Variants in XKR6 observed in about 807,000 individuals in gnomAD.
XKR6 encodes XK related 6.
A neutral mutation model predicts 56.7 loss-of-function variants in XKR6; 22 were observed. The observed-to-expected ratio is 0.39, with a 90% CI of 0.28 to 0.55. The LOEUF (loss-of-function observed/expected upper bound fraction) is 0.55, where lower values mean the gene tolerates loss of function less well. Ranked by LOEUF, XKR6 falls within the 20% of genes least tolerant of loss-of-function variation. The pLI, the probability that XKR6 is intolerant of heterozygous loss-of-function variation, is 0.66. For missense variants in XKR6, 852 were observed against 889.0 expected (o/e 0.96, Z 0.53); for synonymous variants, 524 against 387.8 (o/e 1.35, Z -4.13).
chr8:10,967,757 T>C (rs903632558), intron 1 of XKR6, among the ~76,000 whole-genome samples: 4 of 152,220 alleles, frequency 2.6e-5, no homozygotes, highest in African/African-American at 9.6e-5. Flanking sequence ...AGCGACGTGC[T>C]GGAGCTGGTC....
intron 1 of XKR6, among the ~76,000 whole-genome samples, chr8:11,019,852 C>T (rs1198877280): frequency 6.6e-6 from 1 of 152,196 alleles, no homozygotes; most frequent in Admixed American, 6.5e-5. Context: ...TCCGTGTAAG[C>T]TCAAACCCAG....
chr8:11,148,402 G>A (rs1801101153), intron 1 of XKR6, among the ~76,000 whole-genome samples: 1 of 152,194 alleles, frequency 6.6e-6, no homozygotes, highest in African/African-American at 2.4e-5. Context: ...AAGAAGAGGG[G>A]CCTCAGAGGA....
At chr8:11,120,706 CA>C (rs1563151541) in intron 1 of XKR6, among the ~76,000 whole-genome samples, 1 of 152,016 alleles carries the variant, frequency 6.6e-6, no homozygotes, top group South Asian at 2.1e-4. Context: ...CATATGGAAC[CA>C]AAAAAGAGCC....
chr8:11,074,614 A>T lies in XKR6; in HGVS notation c.764+125962T>A, dbSNP rs545730970. Among the ~76,000 whole-genome samples, 5 of 152,310 alleles carry T rather than the reference A, an allele frequency of 3.3e-5. No homozygotes were observed. The South Asian group carries it at 1.0e-3, about 32-fold the overall frequency. On this transcript the variant is annotated intron_variant, in intron 1 of 2. Transcript: ENST00000416569. ...TTCCATCAACAAACATTCTCTGAGC[A>T]CTTGGTATGTACCAGAGCAAACCCA...
chr8:10,953,155 T>C (rs1423888552), intron 1 of XKR6, among the ~76,000 whole-genome samples: 1 of 152,216 alleles, frequency 6.6e-6, no homozygotes, highest in Admixed American at 6.5e-5. Flanking sequence ...AAATAAAGTG[T>C]ACAATCAATG....
intron 1 of XKR6, among the ~76,000 whole-genome samples, chr8:11,172,219 A>T (rs1299061701): frequency 6.6e-6 from 1 of 151,144 alleles, no homozygotes; most frequent in African/African-American, 2.4e-5. Context: ...AAAATACAAA[A>T]ATTAGCGTGG....
chr8:10,972,574 C>T (rs1429720325), intron 1 of XKR6, among the ~76,000 whole-genome samples: 1 of 152,156 alleles, frequency 6.6e-6, no homozygotes, highest in East Asian at 1.9e-4. Context: ...CATGGGTAGA[C>T]CTTGAGGGCA....
chr8:11,096,464 T>C (rs1239603063), intron 1 of XKR6, among the ~76,000 whole-genome samples: 2 of 152,244 alleles, frequency 1.3e-5, no homozygotes, highest in African/African-American at 2.4e-5. Context: ...GCAGTGAACA[T>C]GTATTATGTT....
intron 1 of XKR6, among the ~76,000 whole-genome samples, chr8:11,130,232 T>A (rs1249785437): frequency 6.6e-6 from 1 of 152,160 alleles, no homozygotes; most frequent in African/African-American, 2.4e-5. Flanking sequence ...AGTTTACAGT[T>A]TAATTTTTTT....
At chr8:10,988,272 C>T (rs1006379327) in intron 1 of XKR6, among the ~76,000 whole-genome samples, 3 of 152,178 alleles carry the variant, frequency 2.0e-5, no homozygotes, top group South Asian at 4.1e-4. Flanking sequence ...TTACTGTTTC[C>T]CCTGCACCTA....
At chr8:11,184,388 T>C (rs200641880) in intron 1 of XKR6, among the ~76,000 whole-genome samples, 12 of 146,154 alleles carry the variant, frequency 8.2e-5, no homozygotes, top group Admixed American at 1.4e-4. Context: ...TATACACACA[T>C]ACACACACAC....
chr8:11,039,263 G>A (rs1799224104), intron 1 of XKR6, among the ~76,000 whole-genome samples: 1 of 152,254 alleles, frequency 6.6e-6, no homozygotes, highest in East Asian at 1.9e-4. Flanking sequence ...AAACAGAAAA[G>A]AGGGAGACTG....
intron 1 of XKR6, among the ~76,000 whole-genome samples, chr8:10,988,359 T>A (rs1284411067): frequency 1.3e-5 from 2 of 152,242 alleles, no homozygotes; most frequent in Admixed American, 6.5e-5. Flanking sequence ...TCAGTCGCTC[T>A]CTCTGAAATA....
At chr8:11,165,090 C>CTTTTTTT (rs35783491) in intron 1 of XKR6, among the ~76,000 whole-genome samples, 3 of 82,472 alleles carry the variant, frequency 3.6e-5, no homozygotes, top group African/African-American at 5.2e-5. Context: ...AGGCTATCAC[C>CTTTTTTT]TTTTTTTTTT....
intron 1 of XKR6, among the ~76,000 whole-genome samples, chr8:10,954,238 C>A (rs1294716153): frequency 6.6e-6 from 1 of 152,190 alleles, no homozygotes; most frequent in Non-Finnish European, 1.5e-5. Context: ...GAGGAACCAG[C>A]AAGTTGTTTT....
At chr8:10,902,246 G>C (rs564842329) in intron 2 of XKR6, among the ~76,000 whole-genome samples, 1 of 152,246 alleles carries the variant, frequency 6.6e-6, no homozygotes. Context: ...TCTGACTGGG[G>C]AGTCTGCTGG....
intron 1 of XKR6, among the ~76,000 whole-genome samples, chr8:10,948,632 C>G (rs981772383): frequency 6.6e-6 from 1 of 152,168 alleles, no homozygotes; most frequent in Non-Finnish European, 1.5e-5. Flanking sequence ...TGGTCTGTCC[C>G]GTCCTCTAGC....
chr8:10,923,487 GCCA>G (rs943531044), intron 2 of XKR6, among the ~76,000 whole-genome samples: 3 of 152,226 alleles, frequency 2.0e-5, no homozygotes, highest in African/African-American at 7.2e-5. Context: ...GGCTTTGAAT[GCCA>G]CCAGCAAGCT....
At chr8:10,939,855 C>T (rs1329003895) in intron 1 of XKR6, among the ~76,000 whole-genome samples, 3 of 152,190 alleles carry the variant, frequency 2.0e-5, no homozygotes, top group Non-Finnish European at 4.4e-5. Context: ...GTCAGGCGTC[C>T]TTGGGAGAAC....
Sources: gnomAD v4.1 joint callset for allele counts (sites outside exome capture counted in the v4.1 genomes callset) on GRCh38, gnomAD v4.1.1 for gene constraint, MANE v1.5 for transcripts, NCBI Gene and HGNC (gene_info 2026-07-23, HGNC 2026-07-21) for gene names.